Variants in CLEC16A observed in about 807,000 individuals in gnomAD.
CLEC16A encodes the protein protein CLEC16A.
A neutral mutation model predicts 109.5 loss-of-function variants in CLEC16A; 51 were observed. That is an observed-to-expected ratio of 0.47 (90% CI 0.37 to 0.59). CLEC16A has a LOEUF of 0.59. Ranked by LOEUF, CLEC16A falls within the 20% of genes least tolerant of loss-of-function variation. CLEC16A has a pLI of 0.00. For synonymous variants in CLEC16A, 673 were observed against 564.2 expected (o/e 1.19, Z -2.73); for missense variants, 1,339 against 1,394.0 (o/e 0.96, Z 0.63).
chr16:11,134,721 T>G (rs76572590), intron 22 of CLEC16A, among the ~76,000 whole-genome samples: 6,555 of 152,246 alleles, frequency 0.043, 466 homozygotes, highest in African/African-American at 0.15. Flanking sequence ...CTCAAAAAGT[T>G]TTGGATTTTG....
At chr16:11,152,278 T>G (rs2054321500) in intron 22 of CLEC16A, among the ~76,000 whole-genome samples, 1 of 152,192 alleles carries the variant, frequency 6.6e-6, no homozygotes, top group Non-Finnish European at 1.5e-5. Flanking sequence ...AAACGAGTGC[T>G]CATAACCAGC....
At chr16:11,113,319 T>C (rs1011126828) in intron 19 of CLEC16A, among the ~76,000 whole-genome samples, 1 of 152,236 alleles carries the variant, frequency 6.6e-6, no homozygotes, top group African/African-American at 2.4e-5. Flanking sequence ...CACTTATTTC[T>C]TTATTCAATT....
intron 23 of CLEC16A, among the ~76,000 whole-genome samples, chr16:11,171,449 G>C (rs575555960): frequency 1.3e-5 from 2 of 152,338 alleles, no homozygotes; most frequent in Non-Finnish European, 2.9e-5. Flanking sequence ...CTTTTGAGAA[G>C]TGTGGTGAGA....
At chr16:11,175,553 A>G (rs1204718903) in intron 23 of CLEC16A, among the ~76,000 whole-genome samples, 2 of 152,136 alleles carry the variant, frequency 1.3e-5, no homozygotes, top group African/African-American at 4.8e-5. Flanking sequence ...CTCCTTTTTC[A>G]CCTGCCTTGG....
chr16:10,951,763 C>G (rs115647779), intron 1 of CLEC16A, among the ~76,000 whole-genome samples: 13 of 152,154 alleles, frequency 8.5e-5, no homozygotes, highest in Admixed American at 6.5e-5. Flanking sequence ...AATTTGCTGC[C>G]GTTAAGTAGC....
intron 22 of CLEC16A, among the ~76,000 whole-genome samples, chr16:11,139,265 C>T (rs1055603519): frequency 6.6e-6 from 1 of 152,228 alleles, no homozygotes; most frequent in Non-Finnish European, 1.5e-5. Flanking sequence ...CCAAGCTTGG[C>T]ATGATGGAGA....
At chr16:11,089,293 G>T (rs187295009) in intron 19 of CLEC16A, among the ~76,000 whole-genome samples, 1 of 152,142 alleles carries the variant, frequency 6.6e-6, no homozygotes, top group Non-Finnish European at 1.5e-5. Flanking sequence ...GTTTTCCTGC[G>T]TCGGGACATC....
chr16:10,989,647 T>TA (rs2043880689), intron 10 of CLEC16A, among the ~76,000 whole-genome samples: 1 of 152,216 alleles, frequency 6.6e-6, no homozygotes, highest in Admixed American at 6.5e-5. Flanking sequence ...CATAAGGACA[T>TA]TGACAGTCTG....
At chr16:11,152,711 G>C (rs2054340458) in intron 22 of CLEC16A, among the ~76,000 whole-genome samples, 1 of 152,216 alleles carries the variant, frequency 6.6e-6, no homozygotes, top group African/African-American at 2.4e-5. Flanking sequence ...GGGCACCACT[G>C]TGGTCCCAAA....
chr16:11,027,200 C>T (rs1180843701), intron 13 of CLEC16A: 6 of 1,396,524 alleles, frequency 4.3e-6, no homozygotes, highest in Non-Finnish European at 6.0e-6. Flanking sequence ...TACATGATTA[C>T]TGGCAGCAGA....
chr16:10,946,297 G>A (rs2041366042), intron 1 of CLEC16A, among the ~76,000 whole-genome samples: 1 of 152,212 alleles, frequency 6.6e-6, no homozygotes, highest in South Asian at 2.1e-4. Flanking sequence ...CTTCTCATGT[G>A]TCCCCGGGAG....
intron 11 of CLEC16A, among the ~76,000 whole-genome samples, chr16:11,012,594 C>CA (rs551902895): frequency 0.14 from 9,271 of 67,648 alleles, 1,562 homozygotes; most frequent in Non-Finnish European, 0.18. Flanking sequence ...GACTCCGTCT[C>CA]AAAAAAAAAA....
chr16:11,019,606 G>GA (rs1201033587), intron 11 of CLEC16A, among the ~76,000 whole-genome samples: 1 of 151,860 alleles, frequency 6.6e-6, no homozygotes, highest in African/African-American at 2.4e-5. Flanking sequence ...CTGTCTCTAC[G>GA]AAAAATACAA....
chr16:11,172,959 A>G (rs1334776322), intron 23 of CLEC16A, among the ~76,000 whole-genome samples: 2 of 152,108 alleles, frequency 1.3e-5, no homozygotes, highest in Non-Finnish European at 2.9e-5. Flanking sequence ...CTGAGGTTTT[A>G]TAGAAAGAAA....
At chr16:11,032,871 A>AT (rs1253750081) in intron 13 of CLEC16A, among the ~76,000 whole-genome samples, 4 of 152,100 alleles carry the variant, frequency 2.6e-5, no homozygotes, top group African/African-American at 9.7e-5. Flanking sequence ...AGGAATTGCC[A>AT]TTTTTTCTCC....
At chr16:11,001,974 C>T (rs953495864) in intron 10 of CLEC16A, among the ~76,000 whole-genome samples, 6 of 152,150 alleles carry the variant, frequency 3.9e-5, no homozygotes, top group South Asian at 2.1e-4. Flanking sequence ...TAGCAAGGCA[C>T]GCTAGTGTTC....
chr16:10,946,662 C>T (rs1187738755), intron 1 of CLEC16A, among the ~76,000 whole-genome samples: 2 of 152,152 alleles, frequency 1.3e-5, no homozygotes, highest in Non-Finnish European at 2.9e-5. Context: ...CCTCCAGGTT[C>T]TCACCTAACT....
chr16:11,149,815 A>G (rs2054222870), intron 22 of CLEC16A: 1 of 151,878 alleles, frequency 6.6e-6, no homozygotes, highest in Admixed American at 6.6e-5. Context: ...GCAACATTGC[A>G]GGTGCGACTT....
chr16:11,024,656 G>A, intron 12 of CLEC16A, 165 bp from the exon 13 acceptor site: 1 of 565,618 alleles, frequency 1.8e-6, no homozygotes, highest in South Asian at 2.1e-5. Context: ...GGCAGAGCCT[G>A]TCTCTCATTT....
Sources: allele counts gnomAD v4.1 joint callset (sites outside exome capture counted in the v4.1 genomes callset), GRCh38; gene constraint gnomAD v4.1.1; transcripts MANE v1.5; gene names NCBI Gene and HGNC (gene_info 2026-07-23, HGNC 2026-07-21).